SLC39A11: variants seen among roughly 807,000 people sequenced by gnomAD.
SLC39A11 encodes the protein solute carrier family 39 member 11.
In SLC39A11, 33 loss-of-function variants were observed where a neutral mutation model predicts 36.1. The ratio of observed to expected loss-of-function variants is 0.91; its 90% CI spans 0.69 to 1.22. SLC39A11 has a LOEUF of 1.22. Ranked by LOEUF, SLC39A11 falls within the 50% of genes most tolerant of loss-of-function variation. The pLI, the probability that SLC39A11 is intolerant of heterozygous loss-of-function variation, is 0.00. For missense variants in SLC39A11, 432 were observed against 430.3 expected, an observed-to-expected ratio of 1.00 and a Z score of -0.03; for synonymous variants, 166 against 170.3, an observed-to-expected ratio of 0.97 and a Z score of 0.20.
chr17:72,892,814 C>T (rs1487275283), intron 5 of SLC39A11, among the ~76,000 whole-genome samples: 1 of 152,184 alleles, frequency 6.6e-6, no homozygotes, highest in Non-Finnish European at 1.5e-5. Flanking sequence ...ATTTGACAGC[C>T]ATTTCCCGCA....
In SLC39A11 at chr17:72,678,134, C is replaced by T. The variant is rs575173806; in HGVS notation, c.672-28866G>A. Among the ~76,000 whole-genome samples, 9 of 152,364 alleles carry T rather than the reference C, an allele frequency of 5.9e-5. No individual in the cohort carries two copies. The East Asian group carries it at 1.7e-3, about 29-fold the overall frequency. Reference sequence around the variant, plus strand: ...TAACTTTCCTGAGCTCACAGCAAAGCTTCCCATAAAGGGCTGCCATAAATG... The same window carrying T: ...TAACTTTCCTGAGCTCACAGCAAAGTTTCCCATAAAGGGCTGCCATAAATG... On this transcript the variant is annotated intron_variant, in intron 7 of 9. Coordinates refer to ENST00000255559, the MANE Select transcript of SLC39A11 (RefSeq NM_139177.4).
intron 5 of SLC39A11, among the ~76,000 whole-genome samples, chr17:72,880,430 G>A (rs1158613356): frequency 1.3e-5 from 2 of 152,000 alleles, no homozygotes; most frequent in African/African-American, 4.8e-5. Context: ...AAACCTGTTG[G>A]GCATGATGGT....
At chr17:73,049,695 A>G (rs2059431416) in intron 3 of SLC39A11, among the ~76,000 whole-genome samples, 1 of 152,234 alleles carries the variant, frequency 6.6e-6, no homozygotes, top group Non-Finnish European at 1.5e-5. Context: ...TCTGCCGTGC[A>G]CTAGGGATTG....
chr17:72,661,385 G>A (rs1459950583), intron 7 of SLC39A11, among the ~76,000 whole-genome samples: 1 of 152,124 alleles, frequency 6.6e-6, no homozygotes. Flanking sequence ...GCAAGCGAAG[G>A]GACGGCAACC....
intron 6 of SLC39A11, among the ~76,000 whole-genome samples, chr17:72,832,516 C>T (rs906960426): frequency 6.6e-6 from 1 of 152,146 alleles, no homozygotes; most frequent in Non-Finnish European, 1.5e-5. Flanking sequence ...CACATCTATG[C>T]CAAATGGAGA....
intron 6 of SLC39A11, among the ~76,000 whole-genome samples, chr17:72,822,410 A>G (rs1407585352): frequency 2.0e-5 from 3 of 150,376 alleles, no homozygotes; most frequent in African/African-American, 7.3e-5. Flanking sequence ...TTGACTCATG[A>G]CTTAAAATTT....
chr17:72,660,068 A>G (rs1219983840), intron 7 of SLC39A11, among the ~76,000 whole-genome samples: 1 of 152,176 alleles, frequency 6.6e-6, no homozygotes, highest in Non-Finnish European at 1.5e-5. Context: ...TGAGTTACTC[A>G]GGGGTGTTCC....
intron 9 of SLC39A11, among the ~76,000 whole-genome samples, chr17:72,648,139 G>A (rs1341525880): frequency 6.6e-6 from 1 of 151,960 alleles, no homozygotes; most frequent in Non-Finnish European, 1.5e-5. Flanking sequence ...AGACCAGCCT[G>A]GCTAACATGG....
At chr17:72,773,289 C>T (rs1468190043) in intron 6 of SLC39A11, among the ~76,000 whole-genome samples, 1 of 152,038 alleles carries the variant, frequency 6.6e-6, no homozygotes, top group Non-Finnish European at 1.5e-5. Flanking sequence ...GGCTGTGTCC[C>T]CACCCAAATC....
At chr17:73,065,902 C>T (rs116436012) in intron 3 of SLC39A11, among the ~76,000 whole-genome samples, 90 of 152,226 alleles carry the variant, frequency 5.9e-4, no homozygotes, top group Middle Eastern at 6.8e-3. Flanking sequence ...AGAGGCAGGA[C>T]GGAGAAAACA....
chr17:72,675,489 T>A (rs975704213), intron 7 of SLC39A11, among the ~76,000 whole-genome samples: 1 of 152,224 alleles, frequency 6.6e-6, no homozygotes, highest in African/African-American at 2.4e-5. Context: ...CTAAGACATG[T>A]AGCAACAGTC....
chr17:72,743,107 T>C (rs1038015143), intron 6 of SLC39A11, among the ~76,000 whole-genome samples: 2 of 152,188 alleles, frequency 1.3e-5, no homozygotes, highest in Non-Finnish European at 2.9e-5. Context: ...ACTTGTGACA[T>C]AAATGCTCAC....
chr17:72,774,702 G>T (rs2076071891), intron 6 of SLC39A11, among the ~76,000 whole-genome samples: 1 of 152,124 alleles, frequency 6.6e-6, no homozygotes, highest in Non-Finnish European at 1.5e-5. Flanking sequence ...TGACAAATGG[G>T]CCCCATTTGC....
chr17:72,658,296 C>A (rs143845819), intron 7 of SLC39A11, among the ~76,000 whole-genome samples: 512 of 152,288 alleles, frequency 3.4e-3, no homozygotes, highest in Non-Finnish European at 5.7e-3. Context: ...AGGTACTTTT[C>A]CAGAGGTCTC....
chr17:72,700,157 G>C (rs1450437540), intron 7 of SLC39A11, among the ~76,000 whole-genome samples: 1 of 152,188 alleles, frequency 6.6e-6, no homozygotes, highest in Non-Finnish European at 1.5e-5. Context: ...GGCGGGAGAT[G>C]GGCAAAGTTT....
chr17:73,064,462 G>A (rs2059939096), intron 3 of SLC39A11, among the ~76,000 whole-genome samples: 1 of 152,182 alleles, frequency 6.6e-6, no homozygotes, highest in South Asian at 2.1e-4. Flanking sequence ...TCTCTGTGGA[G>A]CCTTGAGATG....
intron 6 of SLC39A11, among the ~76,000 whole-genome samples, chr17:72,776,627 A>C (rs78257852): frequency 1.3e-5 from 2 of 151,398 alleles, no homozygotes; most frequent in African/African-American, 2.4e-5. Context: ...AAAAAAAAAA[A>C]AACAGAAGAC....
At chr17:72,661,515 T>C (rs1188976398) in intron 7 of SLC39A11, among the ~76,000 whole-genome samples, 1 of 152,164 alleles carries the variant, frequency 6.6e-6, no homozygotes, top group Non-Finnish European at 1.5e-5. Flanking sequence ...GATGAGCGTG[T>C]GTGTTCTTGT....
chr17:72,936,810 C>T (rs992770276), intron 5 of SLC39A11, among the ~76,000 whole-genome samples: 2 of 152,116 alleles, frequency 1.3e-5, no homozygotes, highest in Admixed American at 6.5e-5. Context: ...ACATTAGATT[C>T]TCATAAGGAA....
Sources: allele counts gnomAD v4.1 joint callset (sites outside exome capture counted in the v4.1 genomes callset), GRCh38; gene constraint gnomAD v4.1.1; transcripts MANE v1.5; gene names NCBI Gene and HGNC (gene_info 2026-07-23, HGNC 2026-07-21).